OTUD6B: variants seen among roughly 807,000 people sequenced by gnomAD.
The protein encoded by OTUD6B is OTU deubiquitinase 6B.
In OTUD6B, 41 loss-of-function variants were observed where a neutral mutation model predicts 36.9. That is an observed-to-expected ratio of 1.11 (90% CI 0.87 to 1.44). OTUD6B has a LOEUF of 1.44. OTUD6B is among the 40% of genes most tolerant of loss of function. The probability of loss-of-function intolerance (pLI) is 0.00; values close to 1 mark genes in which losing one functional copy is unlikely to be tolerated. For missense variants in OTUD6B, 356 were observed against 344.8 expected, an observed-to-expected ratio of 1.03 and a Z score of -0.26; for synonymous variants, 114 against 114.2, an observed-to-expected ratio of 1.00 and a Z score of 0.01.
chr8:91,080,948 T>A (rs1278715228), intron 5 of OTUD6B, among the ~76,000 whole-genome samples: 1 of 152,180 alleles, frequency 6.6e-6, no homozygotes, highest in African/African-American at 2.4e-5. Context: ...TATTACATTT[T>A]AAATAGCTCA....
At chr8:91,078,702 G>C in intron 4 of OTUD6B, 34 bp downstream of exon 4, 2 of 1,431,618 alleles carry the variant, frequency 1.4e-6, no homozygotes, top group Non-Finnish European at 9.4e-7. Context: ...TTTTATTGTT[G>C]CTTTGTTGTA....
chr8:91,084,058 A>G lies in OTUD6B; in HGVS notation c.741A>G (p.Ala247=), dbSNP rs1160958478. ...ILQTPIEIIQ[A]DSPPIIVGEE... ...AAACACCAATAGAGATAATACAGGC[A>G]GATTCTCCTCCCATTATAGTTGGTG... Residue 247 remains alanine (A), a synonymous_variant, in exon 6 of 7, where the codon GCA becomes GCG. Coordinates refer to ENST00000404789, the MANE Select transcript of OTUD6B (RefSeq NM_016023.5). The G allele has an allele frequency of 2.5e-6, 4 of 1,581,542 alleles. No individual in the cohort carries two copies. The highest frequency in any genetic ancestry group is 3.6e-5 in the Admixed American group (2 of 55,592).
At chr8:91,078,147 G>A (rs1037196309) in intron 3 of OTUD6B, 6 of 580,818 alleles carry the variant, frequency 1.0e-5, no homozygotes, top group Non-Finnish European at 1.3e-5. Flanking sequence ...GTCCAGTATA[G>A]AGCAAGGTGC....
chr8:91,076,823 T>G (rs1016954984), intron 3 of OTUD6B: 34 of 696,748 alleles, frequency 4.9e-5, no homozygotes, highest in Non-Finnish European at 1.0e-5. Context: ...GCCTCTGTGA[T>G]CCACAGTTCT....
intron 5 of OTUD6B, 138 bp from the exon 6 acceptor site, chr8:91,083,870 G>A (rs78521545): frequency 4.8e-6 from 4 of 836,966 alleles, no homozygotes; most frequent in Admixed American, 8.1e-5. Context: ...TATTTATTAA[G>A]TGCCCAGTAT....
At chr8:91,071,581 CT>C (rs1490417376) in intron 2 of OTUD6B, among the ~76,000 whole-genome samples, 3 of 152,050 alleles carry the variant, frequency 2.0e-5, no homozygotes, top group African/African-American at 7.3e-5. Context: ...ATCTCCTGAC[CT>C]TGTGATCCAC....
chr8:91,073,953 T>C (rs367574617), intron 3 of OTUD6B, 42 bp downstream of exon 3: 3 of 1,285,542 alleles, frequency 2.3e-6, no homozygotes, highest in Non-Finnish European at 3.3e-6. Context: ...TAGTGCTGTG[T>C]GTTCAATACT....
At chr8:91,072,364 C>G (rs1167421249) in intron 2 of OTUD6B, among the ~76,000 whole-genome samples, 1 of 152,184 alleles carries the variant, frequency 6.6e-6, no homozygotes, top group Non-Finnish European at 1.5e-5. Flanking sequence ...GAAGTGAATA[C>G]TGAATTCTGT....
At position 91,078,467 on chromosome 8, in the gene OTUD6B, G is replaced by T; in HGVS notation, c.427G>T (p.Ala143Ser). The T allele has an allele frequency of 6.2e-7, 1 of 1,606,260 alleles. No homozygotes were observed. The highest frequency in any genetic ancestry group is 8.5e-7 in the Non-Finnish European group (1 of 1,175,940). Residue 143 changes from alanine (A) to serine (S), a missense_variant, in exon 4 of 7, where the codon GCA becomes TCA. Ala to Ser is a moderately conservative substitution (Grantham distance 99). Coordinates refer to ENST00000404789, the MANE Select transcript of OTUD6B (RefSeq NM_016023.5). ...AAGTGAGAAACTTGCTCAAATATTG[G>T]CAGCTAGACAGTTAGAAATTAAACA... is the stretch of plus-strand genomic sequence containing the variant. ...MESEKLAQIL[A>S]ARQLEIKQIP...
At chr8:91,071,035 C>G in intron 1 of OTUD6B, 103 bp from the exon 2 acceptor site, 2 of 1,455,752 alleles carry the variant, frequency 1.4e-6, no homozygotes, top group Non-Finnish European at 1.8e-6. Flanking sequence ...TCCATAATTA[C>G]TTTTTCTGTA....
At chr8:91,082,959 T>A (rs1812937221) in intron 5 of OTUD6B, among the ~76,000 whole-genome samples, 1 of 151,960 alleles carries the variant, frequency 6.6e-6, no homozygotes, top group Admixed American at 6.6e-5. Flanking sequence ...TCTGCCTACC[T>A]TGGCCTCCCA....
rs143009665 is a variant in OTUD6B, at chr8:91,079,663, A to G, written c.628+995A>G. Among the ~76,000 whole-genome samples, 127 of 152,114 alleles carry G rather than the reference A, an allele frequency of 8.3e-4. 1 individual carries two copies. The highest frequency in any genetic ancestry group is 1.2e-3 in the Non-Finnish European group (83 of 67,986). ...TGGGACATAAAACACATTTTTCCAT[A>G]TATTTTGATATATGCATAGGCAATG... On this transcript the variant is annotated intron_variant, in intron 4 of 6. Coordinates refer to ENST00000404789, the MANE Select transcript of OTUD6B (RefSeq NM_016023.5).
chr8:91,078,295 A>C (rs962599639), intron 3 of OTUD6B, 61 bp from the exon 4 acceptor site: 1 of 1,470,730 alleles, frequency 6.8e-7, no homozygotes, highest in Non-Finnish European at 9.0e-7. Context: ...CCCTTCCCTT[A>C]ATAAATGAGA....
At position 91,070,448 on chromosome 8, in the gene OTUD6B, G is replaced by A. The variant is rs1563578721; in HGVS notation, c.64G>A (p.Glu22Lys). 6.3e-7 allele frequency: 1 copy of A among 1,575,662 alleles called. No homozygotes were observed. The highest frequency in any genetic ancestry group is 1.2e-5 in the South Asian group (1 of 86,190). Residue 22 changes from glutamate (E) to lysine (K), a missense_variant, in exon 1 of 7, where the codon GAG becomes AAG. Glu to Lys is a moderately conservative substitution (Grantham distance 56, BLOSUM62 1). Transcript: ENST00000404789. ...EEQLLRRHRK[E>K]KKELQAKIQG... ...GCAGCTGCTGAGAAGGCATCGCAAA[G>A]AGAAGAAGGAGTTGCAAGGTGAGGC... is the stretch of plus-strand genomic sequence containing the variant.
chr8:91,084,373 G>A (rs1473922320), intron 6 of OTUD6B, among the ~76,000 whole-genome samples: 1 of 152,108 alleles, frequency 6.6e-6, no homozygotes, highest in African/African-American at 2.4e-5. Context: ...ATACATTCAT[G>A]TTGCCTGTTT....
chr8:91,082,404 TCTCA>T (rs775416705), intron 5 of OTUD6B, among the ~76,000 whole-genome samples: 18 of 151,490 alleles, frequency 1.2e-4, no homozygotes, highest in African/African-American at 2.4e-5. Flanking sequence ...TGAGACAGAG[TCTCA>T]CTCTGTCACC....
rs990997750 is a variant in OTUD6B, at chr8:91,085,090, A to G, written c.*222A>G. On this transcript the variant is annotated 3_prime_UTR_variant, in exon 7 of 7. Coordinates refer to ENST00000404789, the MANE Select transcript of OTUD6B (RefSeq NM_016023.5). ...ATTTGTTAAGTTCATTGTAGAGAAC[A>G]CCATTCATAGACCAAGATGGTCCCC... 4 of 275,754 alleles carry G rather than the reference A, an allele frequency of 1.5e-5. No individual in the cohort carries two copies. Among genetic ancestry groups the G allele is most frequent in the African/African-American group, 2.2e-5 (1 of 45,142 alleles). 17.1% of individuals were successfully genotyped at this position (275,754 alleles called of 1,614,324 possible). A position where few individuals can be genotyped will look rare whatever the true frequency, so the allele number is the denominator to read the frequency against.
At chr8:91,080,324 G>T (rs2130440156) in intron 4 of OTUD6B, among the ~76,000 whole-genome samples, 1 of 152,140 alleles carries the variant, frequency 6.6e-6, no homozygotes, top group Middle Eastern at 3.4e-3. Flanking sequence ...ATGCAGGTTT[G>T]GGCTTCAAAA....
intron 1 of OTUD6B, 82 bp from the exon 2 acceptor site, chr8:91,071,056 G>GT (rs1812685685): frequency 6.4e-7 from 1 of 1,564,716 alleles, no homozygotes; most frequent in African/African-American, 1.4e-5. Flanking sequence ...CCCTTCGCCC[G>GT]TTACCATCCC....
Sources: gnomAD v4.1 joint callset for allele counts (sites outside exome capture counted in the v4.1 genomes callset) on GRCh38, gnomAD v4.1.1 for gene constraint, MANE v1.5 for transcripts, NCBI Gene and HGNC (gene_info 2026-07-23, HGNC 2026-07-21) for gene names.